Variants in ME1 observed in about 807,000 individuals in gnomAD.
The protein encoded by ME1 is NADP-dependent malic enzyme.
Under a neutral mutation model 66.4 loss-of-function variants are expected in ME1, and 74 were observed. The observed-to-expected ratio is 1.11, with a 90% CI of 0.92 to 1.35. The LOEUF is 1.35. Ranked by LOEUF, ME1 falls within the 40% of genes most tolerant of loss-of-function variation. The pLI is 0.00. For missense variants in ME1, 750 were observed against 694.1 expected (o/e 1.08, Z -0.90); for synonymous variants, 251 against 235.6 (o/e 1.07, Z -0.60).
At chr6:83,288,795 T>A (rs1767445827) in intron 6 of ME1, among the ~76,000 whole-genome samples, 1 of 152,224 alleles carries the variant, frequency 6.6e-6, no homozygotes, top group African/African-American at 2.4e-5. Flanking sequence ...GAGCATGGAA[T>A]GTTTTTCCAC....
At chr6:83,397,911 G>A (rs1029813018) in intron 3 of ME1, among the ~76,000 whole-genome samples, 3 of 152,132 alleles carry the variant, frequency 2.0e-5, no homozygotes, top group African/African-American at 7.2e-5. Context: ...CTTACATGTG[G>A]AACCTAAAAA....
At chr6:83,224,992 A>G (rs1180039206) in intron 11 of ME1, among the ~76,000 whole-genome samples, 1 of 151,726 alleles carries the variant, frequency 6.6e-6, no homozygotes, top group Admixed American at 6.6e-5. Context: ...ACTTGAGGTC[A>G]GGAGTTGGAG....
intron 3 of ME1, among the ~76,000 whole-genome samples, chr6:83,363,972 T>C (rs1769052301): frequency 6.6e-6 from 1 of 152,152 alleles, no homozygotes; most frequent in African/African-American, 2.4e-5. Context: ...TCTCAGGAGA[T>C]GCATATGGGT....
intron 5 of ME1, among the ~76,000 whole-genome samples, chr6:83,320,852 G>A (rs780316189): frequency 3.9e-5 from 6 of 152,066 alleles, no homozygotes; most frequent in Non-Finnish European, 7.4e-5. Context: ...AAAAATTATC[G>A]ATTCCCAGGT....
intron 9 of ME1, among the ~76,000 whole-genome samples, chr6:83,232,875 TTAACTA>T (rs1790331004): frequency 1.3e-5 from 2 of 152,180 alleles, no homozygotes; most frequent in East Asian, 1.9e-4. Context: ...AGCTAAACAT[TTAACTA>T]TAAGTCAGAA....
chr6:83,409,702 G>C (rs1770010031), intron 1 of ME1, among the ~76,000 whole-genome samples: 1 of 152,186 alleles, frequency 6.6e-6, no homozygotes, highest in Non-Finnish European at 1.5e-5. Flanking sequence ...AACTGCAAGA[G>C]CGGGCTGGGA....
At chr6:83,243,411 AT>A (rs376794221) in intron 7 of ME1, among the ~76,000 whole-genome samples, 14 of 46,884 alleles carry the variant, frequency 3.0e-4, no homozygotes, top group African/African-American at 2.1e-3. Context: ...ATATTATATA[AT>A]TAGATTATAT....
chr6:83,382,140 C>T (rs1583409890), intron 3 of ME1, among the ~76,000 whole-genome samples: 1 of 152,028 alleles, frequency 6.6e-6, no homozygotes, highest in Non-Finnish European at 1.5e-5. Context: ...GAAAGGAAAT[C>T]CCCTGTTATT....
At chr6:83,321,067 C>T (rs1382948388) in intron 5 of ME1, among the ~76,000 whole-genome samples, 1 of 152,122 alleles carries the variant, frequency 6.6e-6, no homozygotes, top group Non-Finnish European at 1.5e-5. Flanking sequence ...GAACTCCCTC[C>T]CCTAGCCAAG....
intron 6 of ME1, 83 bp downstream of exon 6, chr6:83,315,227 C>T (rs542889559): frequency 1.3e-6 from 1 of 771,846 alleles, no homozygotes; most frequent in South Asian, 1.7e-5. Flanking sequence ...ATTATTAAAC[C>T]ATATTGCATA....
At chr6:83,271,997 G>A (rs550250309) in intron 6 of ME1, among the ~76,000 whole-genome samples, 4 of 152,132 alleles carry the variant, frequency 2.6e-5, no homozygotes, top group South Asian at 2.1e-4. Context: ...TTTATCCTTC[G>A]TGTTACAAAC....
chr6:83,380,057 T>C (rs763962014), intron 3 of ME1, among the ~76,000 whole-genome samples: 4 of 152,152 alleles, frequency 2.6e-5, no homozygotes, highest in Non-Finnish European at 5.9e-5. Context: ...TCATAGTTTA[T>C]TGCCCATTTA....
intron 7 of ME1, among the ~76,000 whole-genome samples, chr6:83,248,460 T>C (rs564412202): frequency 2.0e-5 from 3 of 152,298 alleles, no homozygotes; most frequent in African/African-American, 2.4e-5. Flanking sequence ...TTATTATACA[T>C]GGTATCTTCA....
intron 3 of ME1, among the ~76,000 whole-genome samples, chr6:83,369,823 A>C (rs1769164465): frequency 6.6e-6 from 1 of 152,178 alleles, no homozygotes; most frequent in South Asian, 2.1e-4. Context: ...AGTCAACTAT[A>C]TCAAAGTCCT....
chr6:83,216,614 GA>G lies in ME1; in HGVS notation c.1450-19del, dbSNP rs1562448958. The G allele has an allele frequency of 7.8e-6, 12 of 1,539,442 alleles. No homozygotes were observed. The highest frequency in any genetic ancestry group is 2.3e-5 in the East Asian group (1 of 44,404). ...GCTATAACCTTATGAAAAAAAGAAAGAAAAAAAGTGTTTATACTTCACACGA... is the reference window on the plus strand; with the variant it reads ...GCTATAACCTTATGAAAAAAAGAAAGAAAAAAGTGTTTATACTTCACACGA... On this transcript the variant is annotated intron_variant, in intron 12 of 13. Coordinates refer to ENST00000369705, the MANE Select transcript of ME1 (RefSeq NM_002395.6).
intron 6 of ME1, among the ~76,000 whole-genome samples, chr6:83,302,317 A>T (rs1476813705): frequency 6.6e-6 from 1 of 152,158 alleles, no homozygotes; most frequent in South Asian, 2.1e-4. Context: ...GGAGGTTGGG[A>T]GGAGGGAGAA....
chr6:83,309,470 A>AAG (rs1412007386), intron 6 of ME1, among the ~76,000 whole-genome samples: 1 of 152,106 alleles, frequency 6.6e-6, no homozygotes, highest in African/African-American at 2.4e-5. Flanking sequence ...TAGTCACAGG[A>AAG]AGAGGAAGAA....
At chr6:83,255,492 A>C (rs1296067814) in intron 6 of ME1, among the ~76,000 whole-genome samples, 1 of 151,892 alleles carries the variant, frequency 6.6e-6, no homozygotes, top group Non-Finnish European at 1.5e-5. Flanking sequence ...TCTCCTCTAC[A>C]TATATTTATT....
intron 7 of ME1, among the ~76,000 whole-genome samples, chr6:83,243,447 A>C (rs1173363419): frequency 7.8e-6 from 1 of 128,720 alleles, no homozygotes; most frequent in East Asian, 2.0e-4. Context: ...AATATATTAT[A>C]TAATTAGATT....
Sources: gnomAD v4.1 joint callset for allele counts (sites outside exome capture counted in the v4.1 genomes callset) on GRCh38, gnomAD v4.1.1 for gene constraint, MANE v1.5 for transcripts, NCBI Gene and HGNC (gene_info 2026-07-23, HGNC 2026-07-21) for gene names.